The following HLA-DQB1 variants were observed in gnomAD, a reference collection of about 807,000 sequenced individuals.
HLA-DQB1 encodes HLA class II histocompatibility antigen, DQ beta 1 chain.
A neutral mutation model predicts 26.4 loss-of-function variants in HLA-DQB1; 13 were observed. The observed-to-expected ratio is 0.49, with a 90% CI of 0.32 to 0.78. The LOEUF is 0.78. HLA-DQB1 is among the 30% of genes least tolerant of loss of function. The pLI is 0.03. For missense variants in HLA-DQB1, 158 were observed against 326.2 expected, an observed-to-expected ratio of 0.48 and a Z score of 3.97; for synonymous variants, 60 against 129.1, an observed-to-expected ratio of 0.46 and a Z score of 3.63.
At chr6:32,666,393 G>T (rs9274509) in intron 1 of HLA-DQB1, 106 bp downstream of exon 1, 1 of 348,390 alleles carries the variant, frequency 2.9e-6, no homozygotes, top group Non-Finnish European at 5.2e-6. Context: ...AAATGTTGAT[G>T]AAAGATTGTG....
intron 3 of HLA-DQB1, 33 bp downstream of exon 3, chr6:32,661,934 G>GA: frequency 1.4e-6 from 2 of 1,392,332 alleles, no homozygotes; most frequent in Non-Finnish European, 2.0e-6. Flanking sequence ...TGTCTTGTGG[G>GA]CCCATAGTAA....
intron 1 of HLA-DQB1, among the ~76,000 whole-genome samples, chr6:32,665,306 C>CTGG (rs41268316): frequency 0.16 from 21,759 of 134,666 alleles, 2,374 homozygotes; most frequent in Middle Eastern, 0.3. Context: ...CCTGTCCCTG[C>CTGG]CTGAGCCTGT....
At chr6:32,665,173 T>TCCCG in intron 1 of HLA-DQB1, 106 bp from the exon 2 acceptor site, 1 of 684,268 alleles carries the variant, frequency 1.5e-6, no homozygotes, top group Non-Finnish European at 2.2e-6. Flanking sequence ...GACCTCCAGT[T>TCCCG]CCCGCCCGCC....
intron 2 of HLA-DQB1, 170 bp from the exon 3 acceptor site, chr6:32,662,418 C>A (rs281863998): frequency 2.7e-6 from 1 of 377,118 alleles, no homozygotes. Flanking sequence ...ACTGAGAATT[C>A]AAAGATAAAT....
At chr6:32,666,649 G>A (rs67147537) in exon 1 of HLA-DQB1, 148,397 of 746,830 alleles carry the variant, frequency 0.2, 19,675 homozygotes, top group South Asian at 0.24. Flanking sequence ...AACACAGCTC[G>A]GACCTGATGG....
At chr6:32,660,967 A>AAT (rs9282081) in intron 4 of HLA-DQB1, 20,940 of 790,202 alleles carry the variant, frequency 0.026, 1,719 homozygotes, top group East Asian at 0.17. Flanking sequence ...CACATGACTT[A>AAT]GAGTTACATT....
exon 1 of HLA-DQB1, chr6:32,666,636 G>T: frequency 1.2e-6 from 1 of 842,794 alleles, no homozygotes; most frequent in Non-Finnish European, 1.9e-6. Flanking sequence ...AGCAGTGGTA[G>T]TCAACACAGC....
intron 4 of HLA-DQB1, chr6:32,660,767 G>C: frequency 1.4e-6 from 1 of 709,612 alleles, no homozygotes; most frequent in South Asian, 1.7e-5. Flanking sequence ...AATAGGCCAT[G>C]AACATGGACC....
At chr6:32,665,740 A>G (rs34864684) in intron 1 of HLA-DQB1, among the ~76,000 whole-genome samples, 24,163 of 136,990 alleles carry the variant, frequency 0.18, 3,176 homozygotes, top group African/African-American at 0.2. Context: ...CAGAATATCC[A>G]TATCACAAGT....
chr6:32,660,832 C>A (rs200177238), intron 4 of HLA-DQB1: 6 of 1,344,792 alleles, frequency 4.5e-6, no homozygotes, highest in African/African-American at 2.9e-5. Flanking sequence ...TGTGCCTCCC[C>A]ACACTGGATC....
At chr6:32,661,869 T>G in intron 3 of HLA-DQB1, 98 bp downstream of exon 3, 2 of 982,268 alleles carry the variant, frequency 2.0e-6, no homozygotes, top group Non-Finnish European at 3.1e-6. Flanking sequence ...GATTCCCAGC[T>G]CAGTAGTGAC....
In HLA-DQB1 at chr6:32,660,818, T is replaced by C. The variant is rs9273524; in HGVS notation, c.772+529A>G. ...ACTCAGCTCATGCTCTTCCCTCTTA[T>C]ACCTGTGCCTCCCCACACTGGATCA... On this transcript the variant is annotated intron_variant, in intron 4 of 4. Coordinates refer to ENST00000434651, the Ensembl canonical transcript of HLA-DQB1. The C allele has an allele frequency of 0.48, 479,643 of 997,062 alleles. 131,669 individuals are homozygous for C. The highest frequency in any genetic ancestry group is 0.67 in the Admixed American group (26,893 of 39,842). The allele number at this position is 997,062 out of a possible 1,614,324, so 61.8% of individuals were successfully genotyped here.
intron 4 of HLA-DQB1, among the ~76,000 whole-genome samples, chr6:32,661,145 G>C (rs34462676): frequency 0.091 from 9,485 of 104,520 alleles, 1,258 homozygotes; most frequent in East Asian, 0.33. Context: ...GGATGCCCTG[G>C]AATAAGCTCT....
At chr6:32,660,783 G>T (rs398122357) in intron 4 of HLA-DQB1, 123,463 of 778,246 alleles carry the variant, frequency 0.16, 15,910 homozygotes, top group South Asian at 0.23. Flanking sequence ...GGACCACTGT[G>T]GTCAGGTACA....
intron 1 of HLA-DQB1, among the ~76,000 whole-genome samples, 185 bp downstream of exon 1, chr6:32,666,314 G>C (rs28746840): frequency 0.19 from 28,138 of 150,734 alleles, 3,012 homozygotes; most frequent in East Asian, 0.32. Context: ...GATGGGGATT[G>C]GATTGTCCTC....
chr6:32,660,945 A>T (rs41270887), intron 4 of HLA-DQB1: 197,799 of 1,070,304 alleles, frequency 0.18, 21,061 homozygotes, highest in Middle Eastern at 0.25. Context: ...CTCACCCCAA[A>T]GGAAAATGAC....
chr6:32,664,936 C>T (rs1783818250), exon 2 of HLA-DQB1: 1 of 1,359,078 alleles, frequency 7.4e-7, no homozygotes, highest in South Asian at 1.2e-5. Flanking sequence ...GGCGTCACCG[C>T]GCGGTACACC....
chr6:32,661,921 CTT>C (rs1491548484), intron 3 of HLA-DQB1, 44 bp downstream of exon 3: 35 of 1,186,824 alleles, frequency 2.9e-5, no homozygotes, highest in African/African-American at 5.7e-5. Context: ...AGAAGGAGCT[CTT>C]TGTCTTGTGG....
At chr6:32,666,439 A>C (rs281860899) in intron 1 of HLA-DQB1, 60 bp downstream of exon 1, 2 of 625,082 alleles carry the variant, frequency 3.2e-6, no homozygotes, top group Non-Finnish European at 5.6e-6. Context: ...CCCATACCCC[A>C]GCCCAAGGAG....
Sources: allele counts gnomAD v4.1 joint callset (sites outside exome capture counted in the v4.1 genomes callset), GRCh38; gene constraint gnomAD v4.1.1; transcripts MANE v1.5; gene names NCBI Gene and HGNC (gene_info 2026-07-23, HGNC 2026-07-21).